ZWILCH: variants seen among roughly 807,000 people sequenced by gnomAD.
ZWILCH encodes zwilch kinetochore protein, also known as protein zwilch homolog.
A neutral mutation model predicts 79.9 loss-of-function variants in ZWILCH; 74 were observed. The observed-to-expected ratio is 0.93, with a 90% CI of 0.77 to 1.12. The LOEUF (loss-of-function observed/expected upper bound fraction) is 1.12, where lower values mean the gene tolerates loss of function less well. ZWILCH is among the 50% of genes most tolerant of loss of function. The pLI is 0.00. For synonymous variants in ZWILCH, 241 were observed against 228.2 expected, an observed-to-expected ratio of 1.06 and a Z score of -0.51; for missense variants, 694 against 687.5, an observed-to-expected ratio of 1.01 and a Z score of -0.11.
chr15:66,515,253 ACTTCCTTTTCTAAAAGCATCAGTTG>A (rs1243390028), intron 3 of ZWILCH, among the ~76,000 whole-genome samples: 7 of 152,110 alleles, frequency 4.6e-5, no homozygotes, highest in Non-Finnish European at 1.0e-4. Flanking sequence ...CCTGCCGAGC[ACTTCCTTTTCTAAAAGCATCAGTTG>A]CTTCCTTTGC....
Position 66,521,163 on chromosome 15 carries a change from TG to T in ZWILCH, c.706del (p.Glu236ArgfsTer14). On this transcript the variant is annotated frameshift_variant, in exon 7 of 19. Transcript: ENST00000307897. LOFTEE classifies it high-confidence loss of function. ...ALDISWSPVD[E>X]ILQIPPLSST... ...TGGATATTTCCTGGAGTCCTGTGGA[TG>T]AGATTCTTCAAATCCCTCCACTCTC... The T allele has an allele frequency of 6.2e-7, 1 of 1,613,342 alleles. No individual in the cohort carries two copies. Among genetic ancestry groups the T allele is most frequent in the Non-Finnish European group, 8.5e-7 (1 of 1,179,718 alleles).
At chr15:66,507,519 G>T (rs1018443840) in intron 1 of ZWILCH, among the ~76,000 whole-genome samples, 1 of 152,102 alleles carries the variant, frequency 6.6e-6, no homozygotes, top group African/African-American at 2.4e-5. Flanking sequence ...GTTCCTCTTG[G>T]CTTTCAGGTT....
chr15:66,511,801 G>A (rs1204086148), intron 2 of ZWILCH, among the ~76,000 whole-genome samples: 1 of 152,018 alleles, frequency 6.6e-6, no homozygotes, highest in Non-Finnish European at 1.5e-5. Context: ...TTTTAGTGGA[G>A]ACGGGGTTTC....
At chr15:66,514,769 T>C (rs1401815337) in intron 3 of ZWILCH, among the ~76,000 whole-genome samples, 1 of 152,214 alleles carries the variant, frequency 6.6e-6, no homozygotes, top group Non-Finnish European at 1.5e-5. Flanking sequence ...TGTAAACACA[T>C]GGATAATAGT....
chr15:66,541,550 C>G (rs1223490433), intron 17 of ZWILCH, among the ~76,000 whole-genome samples: 1 of 152,104 alleles, frequency 6.6e-6, no homozygotes, highest in Non-Finnish European at 1.5e-5. Flanking sequence ...ATAGTGTCTT[C>G]TCCATGGTTG....
intron 12 of ZWILCH, 90 bp downstream of exon 12, chr15:66,529,663 A>G: frequency 1.0e-6 from 1 of 967,870 alleles, no homozygotes; most frequent in South Asian, 1.5e-5. Flanking sequence ...CTGAGTCTGA[A>G]TTTCAGCTCT....
chr15:66,548,567 C>T lies in ZWILCH; in HGVS notation c.*243C>T, dbSNP rs776260249. ...CAGAGGGAGCAGACAGTGGGTACCA[C>T]GATCTCCGTAACCATTTGCATGTGA... On this transcript the variant is annotated 3_prime_UTR_variant, in exon 19 of 19. Transcript: ENST00000307897. The T allele has an allele frequency of 9.3e-6, 15 of 1,612,966 alleles. No homozygotes were observed. The highest frequency in any genetic ancestry group is 3.3e-5 in the Admixed American group (2 of 59,996).
chr15:66,507,560 T>G lies in ZWILCH; in HGVS notation c.54-1281T>G, dbSNP rs531649213. On this transcript the variant is annotated intron_variant, in intron 1 of 18. Transcript: ENST00000307897. ...TTAAGCCCTATAGCTAAATTTCTAC[T>G]ATAGCTTCCTATACTTGCCTCTCTC... Among the ~76,000 whole-genome samples, 11 of 152,332 alleles carry G rather than the reference T, an allele frequency of 7.2e-5. No homozygotes were observed. The South Asian group carries it at 2.3e-3, about 32-fold the overall frequency.
At chr15:66,520,954 T>C in intron 6 of ZWILCH, 96 bp from the exon 7 acceptor site, 3 of 1,412,070 alleles carry the variant, frequency 2.1e-6, no homozygotes, top group Non-Finnish European at 2.9e-6. Context: ...TGTGTGCTCT[T>C]TTTTCTTTTG....
In ZWILCH at chr15:66,521,025, G is replaced by C. The variant is rs745458717; in HGVS notation, c.592-25G>C. The C allele has an allele frequency of 3.5e-5, 57 of 1,609,444 alleles. No individual in the cohort carries two copies. In the Middle Eastern group the frequency reaches 5.0e-4, roughly 14 times the overall value. On this transcript the variant is annotated intron_variant, in intron 6 of 18. Transcript: ENST00000307897. ...TGGCCATGTGGAAGCACAGCTAAAT[G>C]ATCTGCTGGGTACACTCTTTTCAGG...
chr15:66,514,068 C>A lies in ZWILCH; in HGVS notation c.186C>A (p.Phe62Leu). 6.2e-7 allele frequency: 1 copy of A among 1,607,684 alleles called. No homozygotes were observed. The highest frequency in any genetic ancestry group is 1.1e-5 in the South Asian group (1 of 89,976). ...KNILNENDIVFIVEKVPLEKE... is the reference protein window; with the variant it reads ...KNILNENDIVLIVEKVPLEKE... ...TTCTAAATGAAAATGACATAGTATTCATAGTGGAAAAAGTGGTAAGTACTG... is the reference window on the plus strand; with the variant it reads ...TTCTAAATGAAAATGACATAGTATTAATAGTGGAAAAAGTGGTAAGTACTG... Residue 62 changes from phenylalanine to leucine, a missense_variant, in exon 3 of 19, where the codon TTC becomes TTA. Transcript: ENST00000307897.
chr15:66,544,850 TCTC>T (rs2140815063), intron 17 of ZWILCH, among the ~76,000 whole-genome samples: 1 of 150,796 alleles, frequency 6.6e-6, no homozygotes, highest in African/African-American at 2.4e-5. Context: ...TTCAAGCTAT[TCTC>T]CTGCCTCAGC....
intron 14 of ZWILCH, among the ~76,000 whole-genome samples, chr15:66,534,706 G>A (rs1894956852): frequency 6.6e-6 from 1 of 152,048 alleles, no homozygotes; most frequent in Admixed American, 6.6e-5. Context: ...ACCTGTACAG[G>A]GCACTTACCA....
In ZWILCH at chr15:66,527,859, TTAAA is replaced by T; in HGVS notation, c.920_923del (p.Asn307SerfsTer18). The T allele has an allele frequency of 1.3e-6, 2 of 1,597,956 alleles. No homozygotes were observed. Among genetic ancestry groups the T allele is most frequent in the Non-Finnish European group, 8.5e-7 (1 of 1,176,124 alleles). Reference sequence around the variant, plus strand: ...AATAAACTTTTGCCACTTTCTAGACTTAAATAAGCTGGATGGATTTGGTGATTCT... The same window carrying T: ...AATAAACTTTTGCCACTTTCTAGACTTAAGCTGGATGGATTTGGTGATTCT... On this transcript the variant is annotated frameshift_variant, in exon 10 of 19. Transcript: ENST00000307897. LOFTEE classifies it high-confidence loss of function.
At chr15:66,535,600 C>T (rs1219105741) in intron 14 of ZWILCH, among the ~76,000 whole-genome samples, 1 of 151,120 alleles carries the variant, frequency 6.6e-6, no homozygotes, top group Non-Finnish European at 1.5e-5. Context: ...CACTTGAATC[C>T]AGGAGGTGGA....
At chr15:66,525,568 T>G (rs1894641513) in intron 8 of ZWILCH, among the ~76,000 whole-genome samples, 1 of 152,116 alleles carries the variant, frequency 6.6e-6, no homozygotes, top group Admixed American at 6.6e-5. Context: ...TCTGGGACCA[T>G]GCTAATGATG....
intron 18 of ZWILCH, chr15:66,547,634 CTAAAG>C (rs1333816229): frequency 1.3e-5 from 2 of 151,974 alleles, no homozygotes; most frequent in Admixed American, 6.6e-5. Context: ...ATTTCATTGA[CTAAAG>C]TAAGTTGAAT....
Position 66,527,919 on chromosome 15 carries a change from G to A in ZWILCH, c.969+7G>A. On this transcript the variant is annotated splice_region_variant and intron_variant, in intron 10 of 18. Transcript: ENST00000307897. ...AAAAGACACTGAGGTTGAGGTAAGT[G>A]ATTATTATCAGTTAGAAATATACAC... 6.3e-7 allele frequency: 1 copy of A among 1,594,596 alleles called. No homozygotes were observed. The highest frequency in any genetic ancestry group is 8.5e-7 in the Non-Finnish European group (1 of 1,173,936).
At chr15:66,513,907 G>T in intron 2 of ZWILCH, 81 bp from the exon 3 acceptor site, 3 of 1,137,856 alleles carry the variant, frequency 2.6e-6, no homozygotes, top group Non-Finnish European at 2.5e-6. Flanking sequence ...CCATTGACTT[G>T]CATAGAACTG....
Sources: allele counts gnomAD v4.1 joint callset (sites outside exome capture counted in the v4.1 genomes callset), GRCh38; gene constraint gnomAD v4.1.1; transcripts MANE v1.5; gene names NCBI Gene and HGNC (gene_info 2026-07-23, HGNC 2026-07-21).